TMEFF2: variants seen among roughly 807,000 people sequenced by gnomAD.
The protein encoded by TMEFF2 is tomoregulin-2.
TMEFF2 carries 28 observed loss-of-function variants against 53.8 expected under a neutral mutation model. That is an observed-to-expected ratio of 0.52 (90% confidence interval 0.39 to 0.71). The LOEUF (loss-of-function observed/expected upper bound fraction) is 0.71. Ranked by LOEUF, TMEFF2 falls within the 30% of genes least tolerant of loss-of-function variation. The pLI is 0.00. For synonymous variants in TMEFF2, 162 were observed against 166.3 expected (o/e 0.97, Z 0.20); for missense variants, 353 against 455.2 (o/e 0.78, Z 2.04).
intron 7 of TMEFF2, among the ~76,000 whole-genome samples, chr2:191,971,767 C>T (rs887331899): frequency 5.3e-5 from 8 of 152,220 alleles, no homozygotes; most frequent in African/African-American, 1.9e-4. Flanking sequence ...GACAGTTTCT[C>T]TCTGGAAGAG....
chr2:191,956,039 A>G (rs1396280787), intron 8 of TMEFF2, among the ~76,000 whole-genome samples: 1 of 152,076 alleles, frequency 6.6e-6, no homozygotes, highest in Non-Finnish European at 1.5e-5. Context: ...AATGTGTTAT[A>G]TAGTACTTGA....
At chr2:192,043,261 A>C (rs781269214) in intron 5 of TMEFF2, among the ~76,000 whole-genome samples, 2 of 152,202 alleles carry the variant, frequency 1.3e-5, no homozygotes, top group Non-Finnish European at 2.9e-5. Context: ...TCTAGCCTAC[A>C]TCATAAAAAA....
chr2:191,999,109 C>T lies in TMEFF2; in HGVS notation c.636G>A (p.Ser212=), dbSNP rs113924888. The T allele has an allele frequency of 5.0e-4, 814 of 1,611,920 alleles. 6 individuals are homozygous for T. The African/African-American group carries it at 8.9e-3, about 18-fold the overall frequency. The change falls in exon 6 of 10, where the codon TCG becomes TCA. Residue 212 remains serine, a synonymous_variant. Coordinates refer to ENST00000272771, the MANE Select transcript of TMEFF2 (RefSeq NM_016192.4). ...YDNACQIKEA[S]CQKQEKIEVM... ...CTTCAATTTTCTCCTGTTTCTGACA[C>T]GATGCTTCTTTGATTTGGCATGCAT...
At chr2:192,035,195 A>G (rs767733431) in intron 5 of TMEFF2, 9 of 151,454 alleles carry the variant, frequency 5.9e-5, no homozygotes, top group African/African-American at 4.9e-5. Context: ...TTTATGCTCT[A>G]TATCACCCAG....
chr2:192,076,843 A>G (rs1449611396), intron 4 of TMEFF2, among the ~76,000 whole-genome samples: 1 of 152,152 alleles, frequency 6.6e-6, no homozygotes, highest in Non-Finnish European at 1.5e-5. Flanking sequence ...GTGAGCCAAA[A>G]AGTCTGCACA....
At chr2:192,094,003 C>T (rs188804260) in intron 4 of TMEFF2, among the ~76,000 whole-genome samples, 20 of 152,072 alleles carry the variant, frequency 1.3e-4, no homozygotes, top group Admixed American at 2.0e-4. Flanking sequence ...TGTTTTCTCA[C>T]GCCTGTGGGT....
intron 4 of TMEFF2, among the ~76,000 whole-genome samples, chr2:192,174,418 CCTT>C (rs1316975044): frequency 2.6e-5 from 4 of 151,744 alleles, no homozygotes; most frequent in African/African-American, 4.8e-5. Context: ...TTATTTTCCT[CCTT>C]CTGTTTGCTT....
intron 4 of TMEFF2, among the ~76,000 whole-genome samples, chr2:192,079,135 G>C (rs754290567): frequency 1.1e-4 from 16 of 152,160 alleles, no homozygotes; most frequent in Non-Finnish European, 2.4e-4. Context: ...CATTGTTCTT[G>C]GGCAGCCACA....
At chr2:191,984,245 A>G (rs1271426346) in intron 7 of TMEFF2, among the ~76,000 whole-genome samples, 23 of 152,158 alleles carry the variant, frequency 1.5e-4, no homozygotes, top group Admixed American at 1.5e-3. Context: ...TAGGTGATCA[A>G]GAAAACTTAG....
At chr2:191,985,239 C>T (rs1432398437) in intron 7 of TMEFF2, among the ~76,000 whole-genome samples, 1 of 152,004 alleles carries the variant, frequency 6.6e-6, no homozygotes, top group Non-Finnish European at 1.5e-5. Flanking sequence ...TTTACAGATT[C>T]TCAGAGAAGT....
intron 4 of TMEFF2, among the ~76,000 whole-genome samples, chr2:192,071,541 T>TA (rs916486733): frequency 8.8e-4 from 134 of 151,894 alleles, no homozygotes; most frequent in African/African-American, 3.1e-3. Context: ...TTGGTTACCC[T>TA]AAAAAAGAGT....
At chr2:192,026,556 A>T in intron 5 of TMEFF2, among the ~76,000 whole-genome samples, 1 of 152,154 alleles carries the variant, frequency 6.6e-6, no homozygotes, top group East Asian at 1.9e-4. Flanking sequence ...ACAACGTCAA[A>T]AGGGATGCTT....
chr2:192,061,807 CTTGTTTAAGAGTCTGGGT>C (rs1370224354), intron 4 of TMEFF2, among the ~76,000 whole-genome samples: 2 of 152,042 alleles, frequency 1.3e-5, no homozygotes, highest in South Asian at 2.1e-4. Context: ...ATGAGATCTG[CTTGTTTAAGAGTCTGGGT>C]TTGTTTAAGA....
Position 192,191,943 on chromosome 2 carries a change from G to T in TMEFF2, c.219C>A (p.Thr73=). 6.2e-7 allele frequency: 1 copy of T among 1,613,556 alleles called. No homozygotes were observed. The highest frequency in any genetic ancestry group is 2.2e-5 in the East Asian group (1 of 44,818). The change falls in exon 2 of 10, where the codon ACC becomes ACA. Residue 73 remains threonine (T), a synonymous_variant. Coordinates refer to ENST00000272771, the MANE Select transcript of TMEFF2 (RefSeq NM_016192.4). Reference sequence around the variant, plus strand: ...TTAAACATTCCCCATCAAATTTACAGGTGTTGGTGTCACAGAGGAAGAGAT... The same window carrying T: ...TTAAACATTCCCCATCAAATTTACATGTGTTGGTGTCACAGAGGAAGAGAT... ...ENDLFLCDTN[T]CKFDGECLRI... is the part of the protein sequence containing the mutation.
Position 191,950,253 on chromosome 2 carries a change from A to ATACTG in TMEFF2, c.*53_*57dup. On this transcript the variant is annotated 3_prime_UTR_variant, in exon 10 of 10. Coordinates refer to ENST00000272771, the MANE Select transcript of TMEFF2 (RefSeq NM_016192.4). ...CTCTTGTCTTATTCTTTTGTCTATA[A>ATACTG]TACTGTATTGTGTAGTCCAAGCTCT... is the stretch of plus-strand genomic sequence containing the variant. The ATACTG allele has an allele frequency of 6.2e-7, 1 of 1,609,376 alleles. No individual in the cohort carries two copies. Among genetic ancestry groups the ATACTG allele is most frequent in the South Asian group, 1.1e-5 (1 of 90,432 alleles).
intron 7 of TMEFF2, among the ~76,000 whole-genome samples, chr2:191,984,604 A>G (rs534302506): frequency 6.6e-6 from 1 of 152,306 alleles, no homozygotes; most frequent in East Asian, 1.9e-4. Flanking sequence ...ATTATATAAT[A>G]GATTTCTTTT....
Position 192,089,134 on chromosome 2 carries a change from A to AT in TMEFF2, c.440-31360dup, listed in dbSNP as rs1029049431. Among the ~76,000 whole-genome samples the AT allele has an allele frequency of 7.2e-5, 11 of 152,048 alleles. No individual in the cohort carries two copies. In the East Asian group the frequency reaches 7.8e-4, roughly 11 times the overall value. Reference sequence around the variant, plus strand: ...TTGCTCCAATTCAGCTAATTGCTCCATTTTTTTCACTGAATTAGGGTACCT... The same window carrying AT: ...TTGCTCCAATTCAGCTAATTGCTCCATTTTTTTTCACTGAATTAGGGTACCT... On this transcript the variant is annotated intron_variant, in intron 4 of 9. Transcript: ENST00000272771.
intron 4 of TMEFF2, chr2:192,178,476 A>C (rs769275912): frequency 7.3e-5 from 11 of 151,138 alleles, no homozygotes; most frequent in Admixed American, 3.3e-4. Flanking sequence ...GGACATTGAA[A>C]CATATTCTAT....
intron 4 of TMEFF2, among the ~76,000 whole-genome samples, chr2:192,094,303 C>T (rs1688855814): frequency 6.6e-6 from 1 of 152,114 alleles, no homozygotes; most frequent in South Asian, 2.1e-4. Context: ...TGTTTCTTTG[C>T]ATTTGTTCTC....
Sources: allele counts gnomAD v4.1 joint callset (sites outside exome capture counted in the v4.1 genomes callset), GRCh38; gene constraint gnomAD v4.1.1; transcripts MANE v1.5; gene names NCBI Gene and HGNC (gene_info 2026-07-23, HGNC 2026-07-21).